Variants in PCDH9 observed in about 807,000 individuals in gnomAD.
PCDH9 encodes protocadherin-9.
Under a neutral mutation model 70.6 loss-of-function variants are expected in PCDH9, and 24 were observed. That is an observed-to-expected ratio of 0.34 (90% CI 0.25 to 0.48). The LOEUF is 0.48. Among genes scored for constraint, PCDH9 ranks in the 20% least tolerant of loss-of-function variants. PCDH9 has a pLI of 0.99. For synonymous variants in PCDH9, 562 were observed against 558.5 expected (o/e 1.01, Z -0.09); for missense variants, 1,281 against 1,503.6 (o/e 0.85, Z 2.45).
chr13:67,167,270 G>A (rs2985919), intron 2 of PCDH9, among the ~76,000 whole-genome samples: 126,331 of 152,094 alleles, frequency 0.83, 53,313 homozygotes, highest in East Asian at 0.91. Flanking sequence ...TAATAATTGC[G>A]TGCCTCTCAG....
chr13:67,000,224 T>C (rs2084211119), intron 2 of PCDH9, among the ~76,000 whole-genome samples: 2 of 151,360 alleles, frequency 1.3e-5, no homozygotes, highest in African/African-American at 2.4e-5. Context: ...CAGTAAACTA[T>C]CGCAGGGACA....
intron 2 of PCDH9, chr13:67,222,079 C>T (rs1035710050): frequency 6.6e-6 from 1 of 152,106 alleles, no homozygotes; most frequent in Admixed American, 6.6e-5. Flanking sequence ...GATTCCCAGA[C>T]ATTCCACAGG....
chr13:67,048,336 G>A (rs2085262064), intron 2 of PCDH9, among the ~76,000 whole-genome samples: 2 of 152,076 alleles, frequency 1.3e-5, no homozygotes, highest in Admixed American at 6.6e-5. Flanking sequence ...ATTTTTCCAG[G>A]AAGGTACAGT....
intron 4 of PCDH9, among the ~76,000 whole-genome samples, chr13:66,588,458 T>C (rs1021958993): frequency 4.6e-5 from 7 of 150,782 alleles, no homozygotes; most frequent in African/African-American, 1.7e-4. Flanking sequence ...GTTATTACTT[T>C]TTATTTTATT....
In PCDH9 at chr13:66,727,999, A is replaced by C. The variant is rs139961737; in HGVS notation, c.3139-96588T>G. Among the ~76,000 whole-genome samples the C allele has an allele frequency of 6.0e-3, 919 of 152,242 alleles. 8 individuals carry two copies. The highest frequency in any genetic ancestry group is 0.021 in the African/African-American group (868 of 41,556). On this transcript the variant is annotated intron_variant, in intron 3 of 4. Transcript: ENST00000377865. ...AATATAAGTATTATAAATTTATTTT[A>C]TTTCAAAATATGTCTCTCCATACTT...
Position 67,226,105 on chromosome 13 carries a change from C to A in PCDH9, c.2336G>T (p.Gly779Val), listed in dbSNP as rs748882780. 1.2e-6 allele frequency: 2 copies of A among 1,614,084 alleles called. No homozygotes were observed. The highest frequency in any genetic ancestry group is 1.7e-6 in the Non-Finnish European group (2 of 1,180,016). Residue 779 changes from glycine to valine, a missense_variant, in exon 2 of 5, where the codon GGA (glycine) becomes GTA (valine). Physicochemically the swap from Gly to Val is moderately radical, Grantham distance 109. Transcript: ENST00000377865. This position sits in a 1 kb window ranked among gnomAD's most constrained non-coding sequence, Gnocchi z 5.0. Reference protein sequence around the residue: ...LVFLYVNDTAGNASYIYDLIR... With the variant: ...LVFLYVNDTAVNASYIYDLIR... ...CAAGTCATAGATATAGGAGGCATTT[C>A]CAGCAGTGTCGTTAACATAAAGGAA... is the stretch of plus-strand genomic sequence containing the variant.
At chr13:67,222,934 T>A (rs947583539) in intron 2 of PCDH9, 2 of 152,168 alleles carry the variant, frequency 1.3e-5, no homozygotes. Context: ...TCCAAAAAAA[T>A]GTACATATTA....
intron 4 of PCDH9, among the ~76,000 whole-genome samples, chr13:66,516,376 G>A (rs1378434570): frequency 2.0e-5 from 3 of 151,904 alleles, no homozygotes; most frequent in East Asian, 3.9e-4. Context: ...TCATTTTTAT[G>A]TTATTCTATC....
At chr13:66,800,086 T>G (rs1384608876) in intron 3 of PCDH9, among the ~76,000 whole-genome samples, 2 of 152,122 alleles carry the variant, frequency 1.3e-5, no homozygotes, top group Non-Finnish European at 2.9e-5. Flanking sequence ...TCTCCATTGG[T>G]TTCACATAAT....
At chr13:66,839,682 G>A (rs2081083561) in intron 3 of PCDH9, among the ~76,000 whole-genome samples, 1 of 152,134 alleles carries the variant, frequency 6.6e-6, no homozygotes, top group Non-Finnish European at 1.5e-5. Flanking sequence ...GATACCGTCA[G>A]TCATGCAGTC....
intron 4 of PCDH9, among the ~76,000 whole-genome samples, chr13:66,472,841 C>T (rs1209099206): frequency 6.6e-6 from 1 of 151,932 alleles, no homozygotes; most frequent in Non-Finnish European, 1.5e-5. Flanking sequence ...TTTATATATC[C>T]TATACTGTAA....
At chr13:66,963,124 G>T (rs1051799495) in intron 2 of PCDH9, among the ~76,000 whole-genome samples, 2 of 152,168 alleles carry the variant, frequency 1.3e-5, no homozygotes, top group Non-Finnish European at 2.9e-5. Flanking sequence ...CTGCTGATCT[G>T]ATGGGAGGCA....
chr13:67,093,666 C>A (rs962657280), intron 2 of PCDH9, among the ~76,000 whole-genome samples: 2 of 152,086 alleles, frequency 1.3e-5, no homozygotes, highest in Non-Finnish European at 2.9e-5. Context: ...TGAAGGGATT[C>A]TGGCTACTAA....
chr13:66,562,263 A>G (rs570856319), intron 4 of PCDH9, among the ~76,000 whole-genome samples: 23 of 152,272 alleles, frequency 1.5e-4, no homozygotes, highest in Admixed American at 1.3e-3. Context: ...TCATCACCCC[A>G]TATAAACTTT....
intron 2 of PCDH9, chr13:67,223,362 C>T (rs1171835346): frequency 1.3e-5 from 2 of 152,030 alleles, no homozygotes; most frequent in Non-Finnish European, 2.9e-5. Context: ...ATGCTAATAT[C>T]ACCACGTATA....
chr13:66,499,416 G>A (rs1375666476), intron 4 of PCDH9, among the ~76,000 whole-genome samples: 2 of 152,104 alleles, frequency 1.3e-5, no homozygotes, highest in African/African-American at 4.8e-5. Flanking sequence ...CTAAAACAGT[G>A]TAGCAAGATA....
chr13:66,422,674 A>G (rs55956179), intron 4 of PCDH9, among the ~76,000 whole-genome samples: 9,487 of 152,252 alleles, frequency 0.062, 346 homozygotes, highest in Middle Eastern at 0.11. Context: ...AGGGAAATTT[A>G]TGGCACTAAA....
At chr13:66,465,675 C>T (rs1445087634) in intron 4 of PCDH9, among the ~76,000 whole-genome samples, 1 of 151,702 alleles carries the variant, frequency 6.6e-6, no homozygotes, top group Admixed American at 6.6e-5. Context: ...TGTCATTATG[C>T]CTCAGTTTTC....
At chr13:67,036,751 T>C (rs139604954) in intron 2 of PCDH9, among the ~76,000 whole-genome samples, 92 of 152,284 alleles carry the variant, frequency 6.0e-4, no homozygotes, top group Non-Finnish European at 1.1e-3. Flanking sequence ...GTTTATATGA[T>C]AAAATTTTAA....
Sources: allele counts gnomAD v4.1 joint callset (sites outside exome capture counted in the v4.1 genomes callset), GRCh38; gene constraint gnomAD v4.1.1; non-coding constraint Gnocchi (gnomAD v3.1); transcripts MANE v1.5; gene names NCBI Gene and HGNC (gene_info 2026-07-23, HGNC 2026-07-21).